The following EYA1 variants were observed in gnomAD, a reference collection of about 807,000 sequenced individuals.
EYA1 encodes protein phosphatase EYA1.
A neutral mutation model predicts 82.0 loss-of-function variants in EYA1; 16 were observed. The ratio of observed to expected loss-of-function variants is 0.20; its 90% CI spans 0.13 to 0.30. The LOEUF (loss-of-function observed/expected upper bound fraction) is 0.30. Ranked by LOEUF, EYA1 falls within the 10% of genes least tolerant of loss-of-function variation. EYA1 has a pLI of 1.00. For synonymous variants in EYA1, 261 were observed against 264.4 expected (o/e 0.99, Z 0.12); for missense variants, 633 against 730.7 (o/e 0.87, Z 1.54).
intron 11 of EYA1, 150 bp downstream of exon 11, chr8:71,269,590 T>G: frequency 1.9e-6 from 1 of 514,428 alleles, no homozygotes. Context: ...TTACATATTT[T>G]TTACCTTACA....
chr8:71,527,562 G>A (rs1023079619), intron 2 of EYA1, among the ~76,000 whole-genome samples: 2 of 152,178 alleles, frequency 1.3e-5, no homozygotes, highest in African/African-American at 4.8e-5. Flanking sequence ...GCGTGCAGGG[G>A]CAGTCATCCC....
intron 3 of EYA1, among the ~76,000 whole-genome samples, chr8:71,348,721 A>T (rs1229099458): frequency 6.6e-6 from 1 of 152,004 alleles, no homozygotes; most frequent in Non-Finnish European, 1.5e-5. Flanking sequence ...ACTCCCAGCC[A>T]TTCTCTCTCC....
intron 12 of EYA1, among the ~76,000 whole-genome samples, chr8:71,217,836 T>C (rs2128856722): frequency 6.6e-6 from 1 of 152,354 alleles, no homozygotes; most frequent in African/African-American, 2.4e-5. Context: ...AAGCCATGCT[T>C]ACAGGCTAAA....
intron 3 of EYA1, among the ~76,000 whole-genome samples, chr8:71,346,446 A>ATATATATATATATCTAT (rs1825739181): frequency 1.5e-5 from 2 of 135,780 alleles, no homozygotes; most frequent in African/African-American, 6.1e-5. Flanking sequence ...ATATATATAT[A>ATATATATATATATCTAT]TATATATATC....
chr8:71,216,873 C>T (rs757870599), intron 13 of EYA1, 21 bp from the exon 14 acceptor site: 1 of 1,613,944 alleles, frequency 6.2e-7, no homozygotes, highest in Admixed American at 1.7e-5. Context: ...GCAAGAAAAG[C>T]CCAAAGTTAG....
chr8:71,354,588 C>T (rs530258703), intron 3 of EYA1, among the ~76,000 whole-genome samples, 194 bp downstream of exon 3: 11 of 152,118 alleles, frequency 7.2e-5, no homozygotes, highest in Non-Finnish European at 7.3e-5. Context: ...AACCAATCTA[C>T]GCAATGTTAC....
At chr8:71,303,635 G>A (rs1820435438) in intron 7 of EYA1, among the ~76,000 whole-genome samples, 1 of 141,372 alleles carries the variant, frequency 7.1e-6, no homozygotes, top group Admixed American at 7.1e-5. Flanking sequence ...CTTAGGGTCT[G>A]ACCAAGTAAA....
intron 11 of EYA1, among the ~76,000 whole-genome samples, chr8:71,258,677 T>A (rs1199747867): frequency 6.6e-6 from 1 of 152,206 alleles, no homozygotes; most frequent in Non-Finnish European, 1.5e-5. Context: ...TAGGTTAAAC[T>A]TTATGCTGCT....
chr8:71,231,048 C>T (rs1475482711), intron 12 of EYA1, among the ~76,000 whole-genome samples: 1 of 152,134 alleles, frequency 6.6e-6, no homozygotes, highest in Non-Finnish European at 1.5e-5. Flanking sequence ...AGAGCCAGAC[C>T]ATTCTCCTGG....
chr8:71,433,831 C>A lies in EYA1; in HGVS notation c.34-77320G>T, dbSNP rs140677095. Among the ~76,000 whole-genome samples the A allele has an allele frequency of 4.2e-3, 638 of 152,294 alleles. 4 individuals are homozygous for A. Among genetic ancestry groups the A allele is most frequent in the African/African-American group, 0.015 (608 of 41,560 alleles). ...GTTACTCTGAGTGACAAGTGAGAAG[C>A]CACGGAGGATTCTCAACAGAGGAGT... On this transcript the variant is annotated intron_variant, in intron 2 of 18. Transcript: ENST00000643681.
chr8:71,396,448 T>A (rs1223462009), intron 2 of EYA1, among the ~76,000 whole-genome samples: 1 of 152,250 alleles, frequency 6.6e-6, no homozygotes, highest in Non-Finnish European at 1.5e-5. Context: ...AATTTCCCTC[T>A]ACACACTGCT....
chr8:71,292,823 C>CT (rs1267330853), intron 9 of EYA1, among the ~76,000 whole-genome samples: 1 of 151,972 alleles, frequency 6.6e-6, no homozygotes, highest in Non-Finnish European at 1.5e-5. Context: ...ATTAACAGCA[C>CT]TGAACACATA....
At chr8:71,412,851 C>G (rs1177979151) in intron 2 of EYA1, among the ~76,000 whole-genome samples, 2 of 152,198 alleles carry the variant, frequency 1.3e-5, no homozygotes, top group Non-Finnish European at 2.9e-5. Context: ...TCTTGACAGT[C>G]TCACATTTGA....
chr8:71,251,549 T>C lies in EYA1; in HGVS notation c.1051-6857A>G, dbSNP rs950748557. Among the ~76,000 whole-genome samples the C allele has an allele frequency of 6.6e-5, 10 of 152,220 alleles. 1 individual carries two copies. Among genetic ancestry groups the C allele is most frequent in the Middle Eastern group, 3.2e-3 (1 of 316 alleles). Reference sequence around the variant, plus strand: ...ACTTGTTGTCATCCTAGGCTACCCATGGCTGTTTTCAGTACATCAAAGGCA... The same window carrying C: ...ACTTGTTGTCATCCTAGGCTACCCACGGCTGTTTTCAGTACATCAAAGGCA... On this transcript the variant is annotated intron_variant, in intron 11 of 17. Coordinates refer to ENST00000340726, the MANE Select transcript of EYA1 (RefSeq NM_000503.6).
chr8:71,526,267 A>T (rs1278393581), intron 2 of EYA1, among the ~76,000 whole-genome samples: 1 of 150,428 alleles, frequency 6.6e-6, no homozygotes, highest in Non-Finnish European at 1.5e-5. Context: ...ATATAATTAC[A>T]CATATTTATA....
chr8:71,269,637 A>AT, intron 11 of EYA1, 103 bp downstream of exon 11: 1 of 795,472 alleles, frequency 1.3e-6, no homozygotes, highest in South Asian at 1.7e-5. Context: ...CTCCATTTAT[A>AT]TTTTAAATTT....
chr8:71,391,907 T>C (rs983154631), intron 2 of EYA1, among the ~76,000 whole-genome samples: 1 of 152,218 alleles, frequency 6.6e-6, no homozygotes, highest in Admixed American at 6.5e-5. Flanking sequence ...CTTCCCCAAC[T>C]TTCTCCTTTC....
At chr8:71,413,594 A>G (rs1449924030) in intron 2 of EYA1, among the ~76,000 whole-genome samples, 2 of 152,234 alleles carry the variant, frequency 1.3e-5, no homozygotes, top group Non-Finnish European at 2.9e-5. Context: ...TCTCTATGTC[A>G]CAAATTATAT....
intron 12 of EYA1, among the ~76,000 whole-genome samples, chr8:71,238,238 G>T (rs1363125832): frequency 1.3e-5 from 2 of 152,000 alleles, no homozygotes; most frequent in Non-Finnish European, 2.9e-5. Context: ...TTTAAGTTGG[G>T]TCTGTGCCTG....
Sources: allele counts gnomAD v4.1 joint callset (sites outside exome capture counted in the v4.1 genomes callset), GRCh38; gene constraint gnomAD v4.1.1; transcripts MANE v1.5; gene names NCBI Gene and HGNC (gene_info 2026-07-23, HGNC 2026-07-21).